Variants in DDX42 observed in about 807,000 individuals in gnomAD.
DDX42 encodes the protein ATP-dependent RNA helicase DDX42.
In DDX42, 22 loss-of-function variants were observed where a neutral mutation model predicts 101.5. The ratio of observed to expected loss-of-function variants is 0.22; its 90% CI spans 0.15 to 0.31. The LOEUF is 0.31. DDX42 is among the 10% of genes least tolerant of loss of function. DDX42 has a pLI of 1.00. For synonymous variants in DDX42, 402 were observed against 401.2 expected (o/e 1.00, Z -0.02); for missense variants, 849 against 1,199.9 (o/e 0.71, Z 4.32).
Position 63,813,473 on chromosome 17 carries a change from T to A in DDX42, c.1902+19T>A, listed in dbSNP as rs1392622986. ...AATGCAGGTGAGGGGCTGGGCACACTTTCAATTGCTCCTGGTTATAAGACC... is the reference window on the plus strand; with the variant it reads ...AATGCAGGTGAGGGGCTGGGCACACATTCAATTGCTCCTGGTTATAAGACC... On this transcript the variant is annotated intron_variant, in intron 15 of 17. Transcript: ENST00000389924. 6.2e-7 allele frequency: 1 copy of A among 1,601,232 alleles called. No homozygotes were observed. Among genetic ancestry groups the A allele is most frequent in the Admixed American group, 1.7e-5 (1 of 59,802 alleles).
rs1401218127 is a variant in DDX42 at position 63,774,201 on chromosome 17, A to AGGCGGT, written c.-183_-178dup. 5.8e-5 allele frequency: 15 copies of AGGCGGT among 259,930 alleles called. 1 individual carries two copies. The highest frequency in any genetic ancestry group is 8.4e-5 in the Non-Finnish European group (12 of 142,556). 16.1% of individuals were successfully genotyped at this position (259,930 alleles called of 1,614,324 possible). A position where few individuals can be genotyped will look rare whatever the true frequency, so the allele number is the denominator to read the frequency against. On this transcript the variant is annotated 5_prime_UTR_variant, in exon 1 of 18. Coordinates refer to ENST00000389924, the MANE Select transcript of DDX42 (RefSeq NM_203499.3). Reference sequence around the variant, plus strand: ...CTCCCCCCTTCAGCAACGGGCCGTGAGGCGGTGGCGGTGGTGGCGGTGGCG... The same window carrying AGGCGGT: ...CTCCCCCCTTCAGCAACGGGCCGTGAGGCGGTGGCGGTGGCGGTGGTGGCGGTGGCG...
chr17:63,808,773 A>G, intron 9 of DDX42, 47 bp from the exon 10 acceptor site: 1 of 1,605,840 alleles, frequency 6.2e-7, no homozygotes, highest in Non-Finnish European at 8.5e-7. Context: ...TGTGACAGGT[A>G]TTTGTTAGTG....
intron 1 of DDX42, among the ~76,000 whole-genome samples, chr17:63,779,598 A>G (rs1467345282): frequency 6.6e-6 from 1 of 152,074 alleles, no homozygotes; most frequent in Admixed American, 6.6e-5. Flanking sequence ...TATCACCACA[A>G]TCTAGCCACA....
Position 63,807,903 on chromosome 17 carries a change from A to G in DDX42, c.1023+3A>G, listed in dbSNP as rs750409299. On this transcript the variant is annotated splice_donor_region_variant and intron_variant, in intron 9 of 17. Transcript: ENST00000389924. ...CTACCAGGGAGCTTTGCCAGCAGGT[A>G]TGTGCTTTCTATAGAATGCCTCCTT... The G allele has an allele frequency of 1.2e-6, 2 of 1,610,894 alleles. No individual in the cohort carries two copies. The highest frequency in any genetic ancestry group is 1.7e-5 in the Admixed American group (1 of 59,556).
chr17:63,801,433 G>C (rs1333411987), intron 6 of DDX42, among the ~76,000 whole-genome samples: 2 of 152,046 alleles, frequency 1.3e-5, no homozygotes, highest in African/African-American at 4.8e-5. Flanking sequence ...TGCCCAGACT[G>C]GCCCCAAATC....
rs143293246 is a variant in DDX42, at chr17:63,812,005, G to A, written c.1472G>A (p.Arg491His). The change falls in exon 14 of 18, where the codon CGT becomes CAT. Residue 491 changes from arginine (R) to histidine (H), a missense_variant. By Grantham distance (29) the Arg-to-His change is conservative. This residue lies in a region of DDX42 where 370 missense variants were observed against 608.8 expected (regional missense o/e 0.61). Coordinates refer to ENST00000389924, the MANE Select transcript of DDX42 (RefSeq NM_203499.3). ...AGTAAATGGAACTGGCTTACCCGGCGTCTGGTAGAATTTACCTCTTCAGGG... is the reference window on the plus strand; with the variant it reads ...AGTAAATGGAACTGGCTTACCCGGCATCTGGTAGAATTTACCTCTTCAGGG... ...GPSKWNWLTR[R>H]LVEFTSSGSV... 64 of 1,614,088 alleles carry A rather than the reference G, an allele frequency of 4.0e-5. No homozygotes were observed. Among genetic ancestry groups the A allele is most frequent in the Admixed American group, 2.8e-4 (17 of 60,010 alleles).
chr17:63,774,869 T>G (rs532217579), intron 1 of DDX42: 32 of 152,182 alleles, frequency 2.1e-4, no homozygotes, highest in Admixed American at 4.6e-4. Flanking sequence ...CACACAAACT[T>G]TTTTGCGGCC....
intron 13 of DDX42, 43 bp from the exon 14 acceptor site, chr17:63,811,889 G>A (rs750640883): frequency 6.0e-5 from 97 of 1,613,302 alleles, no homozygotes; most frequent in Admixed American, 1.5e-4. Context: ...GGTGCCCTGT[G>A]GCTCCAATGT....
rs766707414 is a variant in DDX42, at chr17:63,810,510, C to T, written c.1253-3C>T. On this transcript the variant is annotated splice_region_variant and splice_polypyrimidine_tract_variant and intron_variant, in intron 11 of 17. Coordinates refer to ENST00000389924, the MANE Select transcript of DDX42 (RefSeq NM_203499.3). ...AATAATTTTATTGTTCTGTTTCTTG[C>T]AGAGTACCAAGTTCGATCCATAGCA... The T allele has an allele frequency of 6.2e-7, 1 of 1,613,796 alleles. No individual in the cohort carries two copies. The highest frequency in any genetic ancestry group is 8.5e-7 in the Non-Finnish European group (1 of 1,179,846).
intron 1 of DDX42, among the ~76,000 whole-genome samples, chr17:63,785,445 G>A (rs2039535612): frequency 6.7e-6 from 1 of 150,012 alleles, no homozygotes. Flanking sequence ...TCAAGGCTCT[G>A]TCTCAAAAAA....
chr17:63,790,329 G>A (rs1305629837), intron 2 of DDX42, among the ~76,000 whole-genome samples: 1 of 152,012 alleles, frequency 6.6e-6, no homozygotes, highest in Non-Finnish European at 1.5e-5. Flanking sequence ...TAAGCATATA[G>A]ACTATATATT....
In DDX42 at chr17:63,798,043, G is replaced by T; in HGVS notation, c.378G>T (p.Gln126His). 1 of 1,611,468 alleles carries T rather than the reference G, an allele frequency of 6.2e-7. No homozygotes were observed. The highest frequency in any genetic ancestry group is 8.5e-7 in the Non-Finnish European group (1 of 1,178,878). ...LEAFMAEVED[Q>H]AARDMKRLEE... is the part of the protein sequence containing the mutation. ...ACAGCCTTTTGTTTCATTAGGATCAGGCAGCTAGAGACATGAAGAGGCTTG... is the reference window on the plus strand; with the variant it reads ...ACAGCCTTTTGTTTCATTAGGATCATGCAGCTAGAGACATGAAGAGGCTTG... Residue 126 changes from glutamine (Q) to histidine (H), a missense_variant, in exon 4 of 18, where the codon CAG becomes CAT. Gln to His is a conservative substitution (Grantham distance 24). This residue lies in a region of DDX42 where 370 missense variants were observed against 608.8 expected (regional missense o/e 0.61). Coordinates refer to ENST00000389924, the MANE Select transcript of DDX42 (RefSeq NM_203499.3).
chr17:63,790,528 A>T (rs2039613775), intron 2 of DDX42, among the ~76,000 whole-genome samples: 1 of 152,184 alleles, frequency 6.6e-6, no homozygotes, highest in African/African-American at 2.4e-5. Context: ...TGGAAGGCCG[A>T]GGCGGGCGGA....
At chr17:63,796,796 A>G (rs1289031060) in intron 3 of DDX42, among the ~76,000 whole-genome samples, 1 of 152,200 alleles carries the variant, frequency 6.6e-6, no homozygotes, top group Non-Finnish European at 1.5e-5. Context: ...AGTCTTAAAT[A>G]TATCTTATAG....
chr17:63,779,242 C>T (rs1173234522), intron 1 of DDX42, among the ~76,000 whole-genome samples: 1 of 151,958 alleles, frequency 6.6e-6, no homozygotes, highest in Non-Finnish European at 1.5e-5. Context: ...TTGAATTTCC[C>T]CAAGTGTGTT....
chr17:63,815,075 G>T (rs1467573305), intron 15 of DDX42, among the ~76,000 whole-genome samples: 1 of 152,222 alleles, frequency 6.6e-6, no homozygotes, highest in Non-Finnish European at 1.5e-5. Flanking sequence ...AAAATTTTCA[G>T]TTGTGTGGCT....
Position 63,817,971 on chromosome 17 carries a change from G to A in DDX42, c.2390G>A (p.Arg797Gln), listed in dbSNP as rs921638743. The change falls in exon 18 of 18, where the codon CGA becomes CAA. Residue 797 changes from arginine (R) to glutamine (Q), a missense_variant. Physicochemically the swap from Arg to Gln is conservative, Grantham distance 43. Around this residue, in one of 5 missense-constraint regions of DDX42, gnomAD observed 300 missense variants for 304.9 expected, o/e 0.98. Transcript: ENST00000389924. ...VNNTASGNNS[R>Q]EGTGGSNGKR... ...AACACAGCTTCAGGGAATAACAGCC[G>A]AGAAGGGACTGGGGGCAGCAACGGG... The A allele has an allele frequency of 6.2e-6, 10 of 1,614,030 alleles. No individual in the cohort carries two copies. The highest frequency in any genetic ancestry group is 2.7e-5 in the African/African-American group (2 of 74,912).
chr17:63,798,261 A>T (rs1045114440), intron 4 of DDX42, 162 bp downstream of exon 4: 4 of 593,608 alleles, frequency 6.7e-6, no homozygotes, highest in Non-Finnish European at 1.2e-5. Flanking sequence ...AGAGATGGCA[A>T]CAGTCTTTGC....
chr17:63,789,552 TG>T (rs1567732935), intron 2 of DDX42, among the ~76,000 whole-genome samples: 904 of 22,608 alleles, frequency 0.04, 53 homozygotes, highest in African/African-American at 0.23. Flanking sequence ...AAGACTTTTT[TG>T]TTTTTGTTTT....
Sources: allele counts gnomAD v4.1 joint callset (sites outside exome capture counted in the v4.1 genomes callset), GRCh38; gene constraint gnomAD v4.1.1; regional missense constraint gnomAD v4.1.1; transcripts MANE v1.5; gene names NCBI Gene and HGNC (gene_info 2026-07-23, HGNC 2026-07-21).